MAP3K1: variants seen among roughly 807,000 people sequenced by gnomAD.
MAP3K1 encodes mitogen-activated protein kinase kinase kinase 1.
Under a neutral mutation model 144.2 loss-of-function variants are expected in MAP3K1, and 36 were observed. The observed-to-expected ratio is 0.25, with a 90% CI of 0.19 to 0.33. The LOEUF is 0.33. Ranked by LOEUF, MAP3K1 falls within the 10% of genes least tolerant of loss-of-function variation. MAP3K1 has a pLI of 1.00. For synonymous variants in MAP3K1, 718 were observed against 688.7 expected, an observed-to-expected ratio of 1.04 and a Z score of -0.67; for missense variants, 1,650 against 1,881.9, an observed-to-expected ratio of 0.88 and a Z score of 2.28.
At chr5:56,845,063 G>A (rs938437226) in intron 1 of MAP3K1, among the ~76,000 whole-genome samples, 2 of 152,146 alleles carry the variant, frequency 1.3e-5, no homozygotes, top group Non-Finnish European at 2.9e-5. Context: ...TAATCTCAGA[G>A]CATTAAAAAC....
At chr5:56,822,063 C>T (rs1159812983) in intron 1 of MAP3K1, among the ~76,000 whole-genome samples, 1 of 152,124 alleles carries the variant, frequency 6.6e-6, no homozygotes, top group Admixed American at 6.5e-5. Context: ...CTCTGTTGCC[C>T]AGGCTGGAGT....
intron 1 of MAP3K1, among the ~76,000 whole-genome samples, chr5:56,826,573 T>A (rs552734596): frequency 6.6e-6 from 1 of 152,212 alleles, no homozygotes; most frequent in Non-Finnish European, 1.5e-5. Context: ...ACAGATGTGC[T>A]CAGATACTTC....
chr5:56,850,225 G>A (rs1375422509), intron 1 of MAP3K1, among the ~76,000 whole-genome samples: 2 of 152,158 alleles, frequency 1.3e-5, no homozygotes, highest in Non-Finnish European at 2.9e-5. Flanking sequence ...TTGGTAGTGT[G>A]TGAATTTCTT....
chr5:56,846,304 G>C (rs530950020), intron 1 of MAP3K1, among the ~76,000 whole-genome samples: 35 of 152,246 alleles, frequency 2.3e-4, no homozygotes, highest in African/African-American at 7.0e-4. Flanking sequence ...TTGAACTTGA[G>C]TCTTAGGTCA....
chr5:56,878,694 G>C (rs1748112497), intron 10 of MAP3K1, among the ~76,000 whole-genome samples: 1 of 152,054 alleles, frequency 6.6e-6, no homozygotes, highest in Non-Finnish European at 1.5e-5. Flanking sequence ...GTTGGCGCCT[G>C]TTCTCATTTT....
chr5:56,845,669 C>T (rs1746970257), intron 1 of MAP3K1, among the ~76,000 whole-genome samples: 1 of 152,066 alleles, frequency 6.6e-6, no homozygotes, highest in African/African-American at 2.4e-5. Context: ...ATCCTTCTTA[C>T]TTACTGATCT....
chr5:56,878,159 C>T (rs1444722950), intron 10 of MAP3K1, among the ~76,000 whole-genome samples: 1 of 152,104 alleles, frequency 6.6e-6, no homozygotes, highest in Non-Finnish European at 1.5e-5. Flanking sequence ...TGAGATTATG[C>T]AAATACCCTA....
In MAP3K1 at chr5:56,882,839, A is replaced by G. The variant is rs373964954; in HGVS notation, c.3639A>G (p.Gly1213=). Residue 1213 remains glycine (G), a synonymous_variant, in exon 14 of 20, where the codon GGA becomes GGG. Coordinates refer to ENST00000399503, the MANE Select transcript of MAP3K1 (RefSeq NM_005921.2). ...PIVPQLQVEN[G]EDIIIIQQDT... is the part of the protein sequence containing the mutation. ...TTCCTCAGCTGCAGGTTGAAAATGG[A>G]GAAGATATCATCATTATTCAACAGG... The G allele has an allele frequency of 3.5e-5, 57 of 1,611,340 alleles. No homozygotes were observed. The African/African-American group carries it at 6.7e-4, about 19-fold the overall frequency.
At chr5:56,827,363 AG>A (rs1161001552) in intron 1 of MAP3K1, among the ~76,000 whole-genome samples, 1 of 152,214 alleles carries the variant, frequency 6.6e-6, no homozygotes, top group Admixed American at 6.5e-5. Flanking sequence ...GGCCCCAAGA[AG>A]GATTTACATC....
Position 56,872,868 on chromosome 5 carries a change from G to A in MAP3K1, c.1549G>A (p.Ala517Thr), listed in dbSNP as rs764801554. The A allele has an allele frequency of 6.2e-7, 1 of 1,614,144 alleles. No individual in the cohort carries two copies. The highest frequency in any genetic ancestry group is 1.1e-5 in the South Asian group (1 of 91,090). Residue 517 changes from alanine to threonine, a missense_variant, in exon 9 of 20, where the codon GCT becomes ACT. Physicochemically the swap from Ala to Thr is moderately conservative, Grantham distance 58 (BLOSUM62 0). This residue lies in a region of MAP3K1 where 841 missense variants were observed against 886.5 expected (regional missense o/e 0.95). Coordinates refer to ENST00000399503, the MANE Select transcript of MAP3K1 (RefSeq NM_005921.2). ...TGTGGATTCCCCTTCTTCCCTCAGAGCTGCACAGCAGCAAACCGTACAGCA... is the reference window on the plus strand; with the variant it reads ...TGTGGATTCCCCTTCTTCCCTCAGAACTGCACAGCAGCAAACCGTACAGCA... ...SPVDSPSSLR[A>T]AQQQTVQQQP...
chr5:56,853,843 C>G (rs967573982), intron 1 of MAP3K1, among the ~76,000 whole-genome samples: 4 of 152,050 alleles, frequency 2.6e-5, no homozygotes, highest in Admixed American at 6.6e-5. Flanking sequence ...GGTGAGACCA[C>G]GAGGTGCAGG....
intron 9 of MAP3K1, 43 bp from the exon 10 acceptor site, chr5:56,874,989 A>T (rs961207721): frequency 3.7e-6 from 6 of 1,605,064 alleles, no homozygotes; most frequent in Non-Finnish European, 5.1e-6. Flanking sequence ...CTGGGTCCAT[A>T]AGCTTTTCTT....
Position 56,882,765 on chromosome 5 carries a change from T to A in MAP3K1, c.3565T>A (p.Leu1189Ile). 6.2e-7 allele frequency: 1 copy of A among 1,612,062 alleles called. No individual in the cohort carries two copies. The highest frequency in any genetic ancestry group is 8.5e-7 in the Non-Finnish European group (1 of 1,179,102). Residue 1189 changes from leucine (L) to isoleucine (I), a missense_variant, in exon 14 of 20, where the codon TTA becomes ATA. Coordinates refer to ENST00000399503, the MANE Select transcript of MAP3K1 (RefSeq NM_005921.2). The part of the protein sequence containing the change: ...EKMEAEEEEA[L>I]AIAMAMSASQ... ...GATGGAAGCTGAAGAAGAAGAAGCT[T>A]TAGCAATTGCCATGGCAATGTCAGC...
rs1746269127 is a variant in MAP3K1, at chr5:56,824,998, C to CTAGATTCTT, written c.482+8944_482+8952dup. 2.7e-5 allele frequency among the ~76,000 whole-genome samples: 4 copies of CTAGATTCTT among 150,598 alleles called. No homozygotes were observed. In the South Asian group the frequency reaches 8.4e-4, roughly 32 times the overall value. ...AAGATATTTTTCTTGCTCCAAGGGT[C>CTAGATTCTT]TAGATTCTTCTTTTTTTGTTGTTGT... On this transcript the variant is annotated intron_variant, in intron 1 of 19. Coordinates refer to ENST00000399503, the MANE Select transcript of MAP3K1 (RefSeq NM_005921.2).
At chr5:56,889,469 C>T (rs1050100101) in intron 19 of MAP3K1, among the ~76,000 whole-genome samples, 3 of 152,170 alleles carry the variant, frequency 2.0e-5, no homozygotes, top group African/African-American at 4.8e-5. Flanking sequence ...GCCTAATTTA[C>T]TATTTTGTAT....
At chr5:56,824,964 G>A (rs1013580519) in intron 1 of MAP3K1, among the ~76,000 whole-genome samples, 15 of 150,516 alleles carry the variant, frequency 1.0e-4, no homozygotes, top group Non-Finnish European at 1.5e-4. Flanking sequence ...TTTTTGAGAC[G>A]GAGTCTTAAA....
At chr5:56,885,084 C>T (rs1201195838) in intron 16 of MAP3K1, among the ~76,000 whole-genome samples, 2 of 152,018 alleles carry the variant, frequency 1.3e-5, no homozygotes, top group African/African-American at 4.8e-5. Context: ...GTTTTTAATA[C>T]TTGATATGTA....
At chr5:56,820,530 A>G in intron 1 of MAP3K1, 1 of 985,358 alleles carries the variant, frequency 1.0e-6, no homozygotes, top group Non-Finnish European at 1.2e-6. Flanking sequence ...AGTAAACTGT[A>G]TTTGGATCAC....
At chr5:56,883,926 A>C (rs1294257487) in intron 15 of MAP3K1, among the ~76,000 whole-genome samples, 2 of 152,142 alleles carry the variant, frequency 1.3e-5, no homozygotes, top group Non-Finnish European at 2.9e-5. Context: ...AGGTGGTTGG[A>C]TCATTTGAGG....
Sources: gnomAD v4.1 joint callset for allele counts (sites outside exome capture counted in the v4.1 genomes callset) on GRCh38, gnomAD v4.1.1 for gene constraint, gnomAD v4.1.1 regional missense constraint, MANE v1.5 for transcripts, NCBI Gene and HGNC (gene_info 2026-07-23, HGNC 2026-07-21) for gene names.